CNTF: variants seen among roughly 807,000 people sequenced by gnomAD.
CNTF encodes the protein Ciliary Neuronotrophic Factor.
CNTF carries 14 observed loss-of-function variants against 13.0 expected under a neutral mutation model. That is an observed-to-expected ratio of 1.07 (90% confidence interval 0.71 to 1.68). CNTF has a LOEUF of 1.68. Among genes scored for constraint, CNTF ranks in the 40% most tolerant of loss-of-function variants. The pLI, the probability that CNTF is intolerant of heterozygous loss-of-function variation, is 0.00. For synonymous variants in CNTF, 98 were observed against 92.4 expected (o/e 1.06, Z -0.35); for missense variants, 283 against 252.5 (o/e 1.12, Z -0.82).
In CNTF at chr11:58,624,781, AAG is replaced by A. The variant is rs950166963; in HGVS notation, c.*264_*265del. 20 of 439,018 alleles carry A rather than the reference AAG, an allele frequency of 4.6e-5. No homozygotes were observed. Among genetic ancestry groups the A allele is most frequent in the African/African-American group, 4.0e-4 (20 of 50,046 alleles). 27.2% of individuals were successfully genotyped at this position (439,018 alleles called of 1,614,324 possible). On this transcript the variant is annotated 3_prime_UTR_variant, in exon 2 of 2. Coordinates refer to ENST00000361987, the MANE Select transcript of CNTF (RefSeq NM_000614.4). Reference sequence around the variant, plus strand: ...GCGTGCTTGCATGTGCTGCAGGTGTAAGAGAGTGGGAGCAGGGACAACGTCCT... The same window carrying A: ...GCGTGCTTGCATGTGCTGCAGGTGTAAGAGTGGGAGCAGGGACAACGTCCT...
At position 58,624,588 on chromosome 11, in the gene CNTF, C is replaced by T. The variant is rs1590637616; in HGVS notation, c.*66C>T. 13 of 1,574,354 alleles carry T rather than the reference C, an allele frequency of 8.3e-6. No individual in the cohort carries two copies. The highest frequency in any genetic ancestry group is 2.3e-5 in the South Asian group (2 of 88,168). ...GAATATGCGTAGTTCCCTGGGGCCT[C>T]GCTTTCCCATCTTAAATTTCTAAAA... On this transcript the variant is annotated 3_prime_UTR_variant, in exon 2 of 2. Coordinates refer to ENST00000361987, the MANE Select transcript of CNTF (RefSeq NM_000614.4).
rs139216754 is a variant in CNTF, at chr11:58,624,359, G to A, written c.440G>A (p.Gly147Glu). The change falls in exon 2 of 2, where the codon GGA becomes GAA. Residue 147 changes from glycine (G) to glutamate (E), a missense_variant. Gly to Glu is a moderately conservative substitution (Grantham distance 98, BLOSUM62 -2). Transcript: ENST00000361987. The part of the protein sequence containing the change: ...NEADGMPINV[G>E]DGGLFEKKLW... ...GCTGATGGGATGCCTATTAATGTTG[G>A]AGATGGTGGTCTCTTTGAGAAGAAG... 1.5e-4 allele frequency: 249 copies of A among 1,613,864 alleles called. No homozygotes were observed. The highest frequency in any genetic ancestry group is 1.8e-4 in the Non-Finnish European group (208 of 1,180,012).
In CNTF at chr11:58,622,674, G is replaced by A; in HGVS notation, c.-79G>A. On this transcript the variant is annotated 5_prime_UTR_variant, in exon 1 of 2. Coordinates refer to ENST00000361987, the MANE Select transcript of CNTF (RefSeq NM_000614.4). ...AATGCCCAGTGGGTTTAGTCTTTGAGAGTCACATCTCTTATTTGGACCAGT... is the reference window on the plus strand; with the variant it reads ...AATGCCCAGTGGGTTTAGTCTTTGAAAGTCACATCTCTTATTTGGACCAGT... 1 of 1,040,320 alleles carries A rather than the reference G, an allele frequency of 9.6e-7. No individual in the cohort carries two copies. 64.4% of individuals were successfully genotyped at this position (1,040,320 alleles called of 1,614,324 possible).
rs988113783 is a variant in CNTF at position 58,624,165 on chromosome 11, C to T, written c.246C>T (p.Thr82=). ...RLQENLQAYR[T]FHVLLARLLE... is the part of the protein sequence containing the mutation. ...AAGAGAACCTTCAAGCTTATCGTAC[C>T]TTCCATGTTTTGTTGGCCAGGCTCT... Residue 82 remains threonine (T), a synonymous_variant, in exon 2 of 2, where the codon ACC becomes ACT. Transcript: ENST00000361987. 6 of 1,613,890 alleles carry T rather than the reference C, an allele frequency of 3.7e-6. No homozygotes were observed. Among genetic ancestry groups the T allele is most frequent in the South Asian group, 1.1e-5 (1 of 91,074 alleles).
Position 58,624,464 on chromosome 11 carries a change from A to G in CNTF, c.545A>G (p.His182Arg), listed in dbSNP as rs6266. 1,139 of 1,614,090 alleles carry G rather than the reference A, an allele frequency of 7.1e-4. 7 individuals carry two copies. The East Asian group carries it at 0.024, about 34-fold the overall frequency. Residue 182 changes from histidine (H) to arginine (R), a missense_variant, in exon 2 of 2, where the codon CAT becomes CGT. Transcript: ENST00000361987. Reference protein sequence around the residue: ...SIHDLRFISSHQTGIPARGSH... With the variant: ...SIHDLRFISSRQTGIPARGSH... Reference sequence around the variant, plus strand: ...CATGACCTTCGTTTCATTTCTTCTCATCAGACTGGGATCCCAGCACGTGGG... The same window carrying G: ...CATGACCTTCGTTTCATTTCTTCTCGTCAGACTGGGATCCCAGCACGTGGG...
Position 58,625,170 on chromosome 11 carries a change from A to T in CNTF, c.*648A>T, listed in dbSNP as rs1347246650. 2 of 152,470 alleles carry T rather than the reference A, an allele frequency of 1.3e-5. No homozygotes were observed. Among genetic ancestry groups the T allele is most frequent in the East Asian group, 3.8e-4 (2 of 5,198 alleles). 9.4% of individuals were successfully genotyped at this position (152,470 alleles called of 1,614,324 possible). A position where few individuals can be genotyped will look rare whatever the true frequency, so the allele number is the denominator to read the frequency against. ...AGTAGCACACTGAGTTTGAACACAG[A>T]TCATTCTCCTTGTAAAAGCCTATGT... On this transcript the variant is annotated 3_prime_UTR_variant, in exon 2 of 2. Transcript: ENST00000361987.
chr11:58,622,812 T>C lies in CNTF; in HGVS notation c.60T>C (p.Ser20=), dbSNP rs1855871423. 7 of 1,613,966 alleles carry C rather than the reference T, an allele frequency of 4.3e-6. No homozygotes were observed. The highest frequency in any genetic ancestry group is 1.1e-5 in the South Asian group (1 of 91,088). Residue 20 remains serine (S), a synonymous_variant, in exon 1 of 2, where the codon TCT becomes TCC. Coordinates refer to ENST00000361987, the MANE Select transcript of CNTF (RefSeq NM_000614.4). The part of the protein sequence containing the change: ...TPHRRDLCSR[S]IWLARKIRSD... ...ACCGTCGGGACCTCTGTAGCCGCTC[T>C]ATCTGGCTAGCAAGGAAGATTCGTT...
chr11:58,624,574 GT>G lies in CNTF; in HGVS notation c.*54del. On this transcript the variant is annotated 3_prime_UTR_variant, in exon 2 of 2. Coordinates refer to ENST00000361987, the MANE Select transcript of CNTF (RefSeq NM_000614.4). ...TTTCTCTTCTAATGGAATATGCGTA[GT>G]TCCCTGGGGCCTCGCTTTCCCATCT... The G allele has an allele frequency of 6.3e-7, 1 of 1,595,474 alleles. No homozygotes were observed. Among genetic ancestry groups the G allele is most frequent in the Non-Finnish European group, 8.5e-7 (1 of 1,171,236 alleles).
At position 58,624,286 on chromosome 11, in the gene CNTF, A is replaced by G. The variant is rs1476603815; in HGVS notation, c.367A>G (p.Ile123Val). Reference sequence around the variant, plus strand: ...CCAAGTCGCTGCCTTTGCATACCAGATAGAGGAGTTAATGATACTCCTGGA... The same window carrying G: ...CCAAGTCGCTGCCTTTGCATACCAGGTAGAGGAGTTAATGATACTCCTGGA... Reference protein sequence around the residue: ...LLQVAAFAYQIEELMILLEYK... With the variant: ...LLQVAAFAYQVEELMILLEYK... The change falls in exon 2 of 2, where the codon ATA (isoleucine) becomes GTA (valine). Residue 123 changes from isoleucine to valine, a missense_variant. Physicochemically the swap from Ile to Val is conservative, Grantham distance 29. Transcript: ENST00000361987. 3.1e-6 allele frequency: 5 copies of G among 1,613,728 alleles called. No individual in the cohort carries two copies. Among genetic ancestry groups the G allele is most frequent in the East Asian group, 2.2e-5 (1 of 44,872 alleles).
rs1157165169 is a variant in CNTF, at chr11:58,622,687, T to G, written c.-66T>G. 1 of 1,168,286 alleles carries G rather than the reference T, an allele frequency of 8.6e-7. No homozygotes were observed. The highest frequency in any genetic ancestry group is 1.3e-6 in the Non-Finnish European group (1 of 782,092). 72.4% of individuals were successfully genotyped at this position (1,168,286 alleles called of 1,614,324 possible). ...TTTAGTCTTTGAGAGTCACATCTCT[T>G]ATTTGGACCAGTATAGACAGAAGTA... On this transcript the variant is annotated 5_prime_UTR_variant, in exon 1 of 2. Transcript: ENST00000361987.
At chr11:58,623,436 A>C (rs973975620) in intron 1 of CNTF, among the ~76,000 whole-genome samples, 2 of 152,230 alleles carry the variant, frequency 1.3e-5, no homozygotes, top group Non-Finnish European at 2.9e-5. Flanking sequence ...TCTTGAGCTA[A>C]TTCTGGAGTT....
At chr11:58,623,484 A>C (rs552542534) in intron 1 of CNTF, among the ~76,000 whole-genome samples, 17 of 152,294 alleles carry the variant, frequency 1.1e-4, no homozygotes, top group Non-Finnish European at 2.4e-4. Flanking sequence ...ATCCCCATCA[A>C]TTTCCACCTG....
At position 58,623,306 on chromosome 11, in the gene CNTF, T is replaced by TA. The variant is rs1273929232; in HGVS notation, c.114+441dup. Among the ~76,000 whole-genome samples the TA allele has an allele frequency of 2.0e-5, 3 of 152,348 alleles. No individual in the cohort carries two copies. The East Asian group carries it at 5.8e-4, about 29-fold the overall frequency. The stretch of plus-strand genomic sequence containing the variant: ...GTAAATCCTACCAATTTCTCCTATA[T>TA]AGCATTAGCCACCCACCTTTTAGTA... On this transcript the variant is annotated intron_variant, in intron 1 of 1. Transcript: ENST00000361987.
intron 1 of CNTF, 76 bp from the exon 2 acceptor site, chr11:58,623,958 G>T: frequency 1.9e-6 from 3 of 1,544,724 alleles, no homozygotes; most frequent in South Asian, 1.2e-5. Context: ...GTGAGATTTT[G>T]TATGAAATTT....
Position 58,624,950 on chromosome 11 carries a change from A to C in CNTF, c.*428A>C, listed in dbSNP as rs7113847. Reference sequence around the variant, plus strand: ...GATTCAATTTAAAATCAGACTCTTTAGTTGATTTAAACTCTTAGAGAATAA... The same window carrying C: ...GATTCAATTTAAAATCAGACTCTTTCGTTGATTTAAACTCTTAGAGAATAA... On this transcript the variant is annotated 3_prime_UTR_variant, in exon 2 of 2. Transcript: ENST00000361987. 1 of 184,578 alleles carries C rather than the reference A, an allele frequency of 5.4e-6. No homozygotes were observed. The highest frequency in any genetic ancestry group is 2.4e-5 in the African/African-American group (1 of 41,640). The allele number at this position is 184,578 out of a possible 1,614,324, so 11.4% of individuals were successfully genotyped here.
chr11:58,624,281 A>G lies in CNTF; in HGVS notation c.362A>G (p.Tyr121Cys). 2 of 1,613,810 alleles carry G rather than the reference A, an allele frequency of 1.2e-6. No homozygotes were observed. Among genetic ancestry groups the G allele is most frequent in the Non-Finnish European group, 1.7e-6 (2 of 1,179,976 alleles). ...TLLLQVAAFA[Y>C]QIEELMILLE... ...CTTCTCCAAGTCGCTGCCTTTGCAT[A>G]CCAGATAGAGGAGTTAATGATACTC... The change falls in exon 2 of 2, where the codon TAC (tyrosine) becomes TGC (cysteine). Residue 121 changes from tyrosine (Y) to cysteine (C), a missense_variant. Physicochemically the swap from Tyr to Cys is radical, Grantham distance 194. Transcript: ENST00000361987.
At chr11:58,623,904 C>A in intron 1 of CNTF, 130 bp from the exon 2 acceptor site, 1 of 1,251,954 alleles carries the variant, frequency 8.0e-7, no homozygotes, top group Non-Finnish European at 1.1e-6. Flanking sequence ...CTACTGTAGA[C>A]ATATTATTTA....
chr11:58,623,252 G>GA (rs758425813), intron 1 of CNTF, among the ~76,000 whole-genome samples: 17 of 152,184 alleles, frequency 1.1e-4, no homozygotes, highest in Non-Finnish European at 2.4e-4. Flanking sequence ...TATGGGATAG[G>GA]AAGAGTACTA....
In CNTF at chr11:58,624,128, C is replaced by G; in HGVS notation, c.209C>G (p.Ala70Gly). 1 of 1,613,256 alleles carries G rather than the reference C, an allele frequency of 6.2e-7. No homozygotes were observed. The highest frequency in any genetic ancestry group is 8.5e-7 in the Non-Finnish European group (1 of 1,179,470). Residue 70 changes from alanine to glycine, a missense_variant, in exon 2 of 2, where the codon GCA becomes GGA. Physicochemically the swap from Ala to Gly is moderately conservative, Grantham distance 60 (BLOSUM62 0). Transcript: ENST00000361987. ...GATCAGTGGAGTGAGCTGACCGAGG[C>G]AGAGCGACTCCAAGAGAACCTTCAA... Reference protein sequence around the residue: ...STDQWSELTEAERLQENLQAY... With the variant: ...STDQWSELTEGERLQENLQAY...
Sources: allele counts gnomAD v4.1 joint callset (sites outside exome capture counted in the v4.1 genomes callset), GRCh38; gene constraint gnomAD v4.1.1; transcripts MANE v1.5; gene names NCBI Gene and HGNC (gene_info 2026-07-23, HGNC 2026-07-21).